The following XKR4 variants were observed in gnomAD, a reference collection of about 807,000 sequenced individuals.
XKR4 encodes the protein XK related 4, also known as XK-related protein 4.
A neutral mutation model predicts 53.9 loss-of-function variants in XKR4; 12 were observed. The observed-to-expected ratio is 0.22, with a 90% CI of 0.14 to 0.36. XKR4 has a LOEUF of 0.36. XKR4 is among the 10% of genes least tolerant of loss of function. The pLI is 1.00. For missense variants in XKR4, 799 were observed against 859.5 expected (o/e 0.93, Z 0.88); for synonymous variants, 354 against 362.4 (o/e 0.98, Z 0.26).
intron 1 of XKR4, among the ~76,000 whole-genome samples, chr8:55,166,945 T>G (rs1817073430): frequency 6.6e-6 from 1 of 152,236 alleles, no homozygotes; most frequent in South Asian, 2.1e-4. Flanking sequence ...TCATTTGGGC[T>G]AAGTGTTGAG....
intron 2 of XKR4, among the ~76,000 whole-genome samples, chr8:55,432,338 C>G (rs1805116028): frequency 6.6e-6 from 1 of 152,188 alleles, no homozygotes; most frequent in African/African-American, 2.4e-5. Flanking sequence ...TAGCACTTAC[C>G]TCCGAGGGGT....
At chr8:55,420,815 TA>T (rs1246774785) in intron 2 of XKR4, among the ~76,000 whole-genome samples, 5 of 151,460 alleles carry the variant, frequency 3.3e-5, no homozygotes, top group African/African-American at 1.2e-4. Flanking sequence ...AATAAATAAA[TA>T]AATAAATAAA....
intron 1 of XKR4, among the ~76,000 whole-genome samples, chr8:55,168,172 C>G (rs778050313): frequency 1.3e-5 from 2 of 152,190 alleles, no homozygotes; most frequent in Non-Finnish European, 2.9e-5. Flanking sequence ...TTATCATTCA[C>G]TCTCTGAATC....
chr8:55,374,557 A>G (rs1804119585), intron 2 of XKR4, among the ~76,000 whole-genome samples: 1 of 152,236 alleles, frequency 6.6e-6, no homozygotes, highest in Non-Finnish European at 1.5e-5. Context: ...TTTAAGGGCC[A>G]TAGTGGAGAA....
intron 1 of XKR4, among the ~76,000 whole-genome samples, chr8:55,144,670 T>A (rs1271198306): frequency 6.6e-6 from 1 of 151,924 alleles, no homozygotes; most frequent in African/African-American, 2.4e-5. Context: ...AAAAAAGAGG[T>A]TCGGTATGTG....
chr8:55,369,394 GGGGAGGGGAGGGAAA>G, intron 2 of XKR4, among the ~76,000 whole-genome samples: 1 of 94,802 alleles, frequency 1.1e-5, no homozygotes, highest in African/African-American at 4.8e-5. Context: ...GGGGAGGGGA[GGGGAGGGGAGGGAAA>G]GGAAGGGAAG....
In XKR4 at chr8:55,539,582, T is replaced by G. The variant is rs1008295890; in HGVS notation, c.*15355T>G. The G allele has an allele frequency of 6.6e-6, 1 of 152,144 alleles. No homozygotes were observed. The highest frequency in any genetic ancestry group is 6.6e-5 in the Admixed American group (1 of 15,262). 9.4% of individuals were successfully genotyped at this position (152,144 alleles called of 1,614,324 possible). ...TAACCTAGGCAATTATCTGATTCATTTTTTTTAAAGTTTGTGCTGCCAAAC... is the reference window on the plus strand; with the variant it reads ...TAACCTAGGCAATTATCTGATTCATGTTTTTTAAAGTTTGTGCTGCCAAAC... On this transcript the variant is annotated 3_prime_UTR_variant, in exon 3 of 3. Coordinates refer to ENST00000327381, the MANE Select transcript of XKR4 (RefSeq NM_052898.2).
intron 2 of XKR4, among the ~76,000 whole-genome samples, chr8:55,380,393 C>G (rs1020654271): frequency 6.6e-6 from 1 of 152,196 alleles, no homozygotes; most frequent in Admixed American, 6.5e-5. Flanking sequence ...GTGCAAGACA[C>G]TCTCATAATA....
intron 2 of XKR4, among the ~76,000 whole-genome samples, chr8:55,400,002 G>C (rs2129389776): frequency 6.6e-6 from 1 of 152,258 alleles, no homozygotes; most frequent in African/African-American, 2.4e-5. Context: ...AGTGTATGCT[G>C]CTCTTCCTTA....
At chr8:55,192,852 C>A (rs997892538) in intron 1 of XKR4, among the ~76,000 whole-genome samples, 1 of 151,960 alleles carries the variant, frequency 6.6e-6, no homozygotes, top group South Asian at 2.1e-4. Flanking sequence ...TTTATGGGAG[C>A]GTTGTAGGGT....
intron 1 of XKR4, among the ~76,000 whole-genome samples, chr8:55,213,618 T>A (rs1208298521): frequency 6.6e-6 from 1 of 151,732 alleles, no homozygotes; most frequent in African/African-American, 2.4e-5. Context: ...AAGAAGGGGG[T>A]TTGTTTTGGG....
chr8:55,494,388 C>T (rs1158269831), intron 2 of XKR4, among the ~76,000 whole-genome samples: 1 of 152,228 alleles, frequency 6.6e-6, no homozygotes, highest in African/African-American at 2.4e-5. Flanking sequence ...CTTTTCTTCA[C>T]CCACAACATG....
intron 2 of XKR4, among the ~76,000 whole-genome samples, chr8:55,372,099 G>A (rs992283641): frequency 1.3e-5 from 2 of 152,174 alleles, no homozygotes; most frequent in East Asian, 1.9e-4. Context: ...AATTAGTCAC[G>A]TGCTATGGCT....
At chr8:55,335,411 C>T (rs1803445443) in intron 1 of XKR4, among the ~76,000 whole-genome samples, 1 of 151,980 alleles carries the variant, frequency 6.6e-6, no homozygotes, top group Admixed American at 6.6e-5. Context: ...ATCTTAAAAA[C>T]ATGACACTGC....
chr8:55,448,438 C>A (rs2622587), intron 2 of XKR4, among the ~76,000 whole-genome samples: 1 of 152,072 alleles, frequency 6.6e-6, no homozygotes, highest in Non-Finnish European at 1.5e-5. Context: ...AAAATGAATC[C>A]AGGCAAACCC....
At position 55,272,978 on chromosome 8, in the gene XKR4, A is replaced by G. The variant is rs566484393; in HGVS notation, c.807-84700A>G. On this transcript the variant is annotated intron_variant, in intron 1 of 2. Coordinates refer to ENST00000327381, the MANE Select transcript of XKR4 (RefSeq NM_052898.2). ...CATTGGAACAATTAACTGAATTTTC[A>G]ACAAAAGTGTCTAGAATGCCTCAGC... 120 of 436,312 alleles carry G rather than the reference A, an allele frequency of 2.8e-4. 1 individual carries two copies. Among genetic ancestry groups the G allele is most frequent in the Non-Finnish European group, 4.1e-4 (91 of 220,580 alleles). The allele number at this position is 436,312 out of a possible 1,614,324, so 27.0% of individuals were successfully genotyped here. A position where few individuals can be genotyped will look rare whatever the true frequency, so the allele number is the denominator to read the frequency against.
chr8:55,357,879 T>G lies in XKR4; in HGVS notation c.1006+2T>G. On this transcript the variant is annotated splice_donor_variant, in intron 2 of 2. Coordinates refer to ENST00000327381, the MANE Select transcript of XKR4 (RefSeq NM_052898.2). LOFTEE classifies it high-confidence loss of function. ...CTCATAGCTTACAGGCCCTCCAAGG[T>G]AAGGGCTTGCAATTTGGTTTCTGAA... 1 of 1,607,614 alleles carries G rather than the reference T, an allele frequency of 6.2e-7. No individual in the cohort carries two copies. Among genetic ancestry groups the G allele is most frequent in the Non-Finnish European group, 8.5e-7 (1 of 1,175,040 alleles).
chr8:55,191,568 A>G (rs1817444159), intron 1 of XKR4, among the ~76,000 whole-genome samples: 1 of 152,158 alleles, frequency 6.6e-6, no homozygotes, highest in Non-Finnish European at 1.5e-5. Context: ...ATGTCTATGT[A>G]AATAGTCATT....
intron 1 of XKR4, among the ~76,000 whole-genome samples, chr8:55,249,255 T>C (rs1818333239): frequency 6.6e-6 from 1 of 152,226 alleles, no homozygotes; most frequent in East Asian, 1.9e-4. Context: ...AATTGGGAAG[T>C]CACTGGAGAC....
Sources: allele counts gnomAD v4.1 joint callset (sites outside exome capture counted in the v4.1 genomes callset), GRCh38; gene constraint gnomAD v4.1.1; transcripts MANE v1.5; gene names NCBI Gene and HGNC (gene_info 2026-07-23, HGNC 2026-07-21).